TRABD2B: variants seen among roughly 807,000 people sequenced by gnomAD.
The protein encoded by TRABD2B is metalloprotease TIKI2.
In TRABD2B, 14 loss-of-function variants were observed where a neutral mutation model predicts 40.1. That is an observed-to-expected ratio of 0.35 (90% CI 0.23 to 0.55). The LOEUF (loss-of-function observed/expected upper bound fraction) is 0.55, where lower values mean the gene tolerates loss of function less well. TRABD2B is among the 20% of genes least tolerant of loss of function. The probability of loss-of-function intolerance (pLI) is 0.90; values close to 1 mark genes in which losing one functional copy is unlikely to be tolerated. For missense variants in TRABD2B, 541 were observed against 648.6 expected (o/e 0.83, Z 1.80); for synonymous variants, 263 against 277.0 (o/e 0.95, Z 0.50).
At chr1:47,826,361 C>G (rs1645173848) in intron 2 of TRABD2B, among the ~76,000 whole-genome samples, 1 of 152,058 alleles carries the variant, frequency 6.6e-6, no homozygotes, top group African/African-American at 2.4e-5. Flanking sequence ...CTCACTAATT[C>G]TCACAACATC....
intron 3 of TRABD2B, among the ~76,000 whole-genome samples, chr1:47,800,306 GGT>G (rs1644805116): frequency 6.6e-6 from 1 of 152,192 alleles, no homozygotes. Context: ...TTCTGAGTCA[GGT>G]GGTTGGGGCC....
chr1:47,993,622 C>T (rs562586870), intron 2 of TRABD2B, among the ~76,000 whole-genome samples: 1 of 152,178 alleles, frequency 6.6e-6, no homozygotes, highest in Non-Finnish European at 1.5e-5. Flanking sequence ...CTTCCTCTTA[C>T]TTTCTTGGGC....
chr1:47,956,288 G>A (rs1041891065), intron 2 of TRABD2B, among the ~76,000 whole-genome samples: 2 of 152,198 alleles, frequency 1.3e-5, no homozygotes, highest in African/African-American at 2.4e-5. Context: ...AGCTCCCAGG[G>A]TGAGTGACGC....
At chr1:47,913,009 A>G (rs1644783242) in intron 2 of TRABD2B, among the ~76,000 whole-genome samples, 1 of 152,140 alleles carries the variant, frequency 6.6e-6, no homozygotes, top group Non-Finnish European at 1.5e-5. Flanking sequence ...ACTGATTTCA[A>G]GTGTCTGGGC....
chr1:47,993,882 G>A (rs987312351), intron 2 of TRABD2B, among the ~76,000 whole-genome samples, 152 bp downstream of exon 2: 23 of 152,148 alleles, frequency 1.5e-4, no homozygotes, highest in Admixed American at 1.3e-3. Flanking sequence ...GAGCAGCCAG[G>A]TGCTGCCTCG....
At chr1:47,945,745 C>T (rs893489886) in intron 2 of TRABD2B, among the ~76,000 whole-genome samples, 7 of 151,994 alleles carry the variant, frequency 4.6e-5, no homozygotes, top group African/African-American at 1.7e-4. Flanking sequence ...AGTTTTTTTC[C>T]TTTTGTTGCT....
At chr1:47,909,773 T>TCCCCG (rs1557651363) in intron 2 of TRABD2B, among the ~76,000 whole-genome samples, 1 of 6,018 alleles carries the variant, frequency 1.7e-4, no homozygotes, top group Non-Finnish European at 3.3e-4. Context: ...TCCCTTCCCC[T>TCCCCG]CCCCTCCCCT....
intron 2 of TRABD2B, among the ~76,000 whole-genome samples, chr1:47,891,256 T>C (rs970308231): frequency 1.3e-5 from 2 of 152,192 alleles, no homozygotes; most frequent in African/African-American, 2.4e-5. Flanking sequence ...CCAGCTGTCA[T>C]AGAGCTTACA....
chr1:47,814,849 C>T (rs957721468), intron 2 of TRABD2B, among the ~76,000 whole-genome samples: 8 of 152,196 alleles, frequency 5.3e-5, no homozygotes, highest in African/African-American at 1.9e-4. Context: ...AATGCAGTGC[C>T]AACTTCTGCT....
chr1:47,894,780 G>A (rs1644494391), intron 2 of TRABD2B, among the ~76,000 whole-genome samples: 1 of 152,268 alleles, frequency 6.6e-6, no homozygotes, highest in South Asian at 2.1e-4. Flanking sequence ...AAGTGAACAT[G>A]ACGTACCACT....
chr1:47,903,976 C>T (rs1644640425), intron 2 of TRABD2B, among the ~76,000 whole-genome samples: 1 of 152,156 alleles, frequency 6.6e-6, no homozygotes, highest in African/African-American at 2.4e-5. Context: ...TTGACCACAC[C>T]CACTGAGCAC....
At chr1:47,833,047 A>C (rs1645271344) in intron 2 of TRABD2B, among the ~76,000 whole-genome samples, 1 of 152,250 alleles carries the variant, frequency 6.6e-6, no homozygotes, top group Non-Finnish European at 1.5e-5. Context: ...GGCAGAATTC[A>C]TTAGGATTGA....
intron 2 of TRABD2B, among the ~76,000 whole-genome samples, chr1:47,965,851 C>A (rs1177362601): frequency 6.6e-6 from 1 of 152,090 alleles, no homozygotes; most frequent in African/African-American, 2.4e-5. Flanking sequence ...TATCCCAGAC[C>A]CATGGAGAAT....
At chr1:47,795,322 G>A (rs1459430249) in intron 3 of TRABD2B, among the ~76,000 whole-genome samples, 1 of 152,244 alleles carries the variant, frequency 6.6e-6, no homozygotes, top group African/African-American at 2.4e-5. Context: ...TTCCACATGT[G>A]TTGCTCTGCC....
intron 2 of TRABD2B, among the ~76,000 whole-genome samples, chr1:47,870,911 G>A (rs1247585112): frequency 5.3e-5 from 8 of 152,174 alleles, no homozygotes; most frequent in Admixed American, 4.6e-4. Context: ...AGGGAGAACA[G>A]CATATGAAGA....
rs188433046 is a variant in TRABD2B, at chr1:47,811,140, G to A, written c.667-9521C>T. ...GCTTCCTGCTGAGATGTGAAGTCAC[G>A]GGGAGTCTGGGCAGAAGAACGTGGG... is the stretch of plus-strand genomic sequence containing the variant. On this transcript the variant is annotated intron_variant, in intron 2 of 6. Transcript: ENST00000606738. Among the ~76,000 whole-genome samples the A allele has an allele frequency of 7.4e-4, 113 of 152,304 alleles. 1 individual carries two copies. Among genetic ancestry groups the A allele is most frequent in the African/African-American group, 2.4e-3 (101 of 41,568 alleles).
intron 2 of TRABD2B, among the ~76,000 whole-genome samples, chr1:47,920,279 T>A (rs776708134): frequency 6.6e-6 from 1 of 152,214 alleles, no homozygotes; most frequent in Non-Finnish European, 1.5e-5. Context: ...CAAAGTCACA[T>A]AGCAAGTCAA....
chr1:47,831,582 C>G (rs1473725109), intron 2 of TRABD2B, among the ~76,000 whole-genome samples: 1 of 152,104 alleles, frequency 6.6e-6, no homozygotes, highest in Non-Finnish European at 1.5e-5. Context: ...CTGCTGTATG[C>G]TGGGTGATCA....
At chr1:47,912,550 T>C (rs1644776845) in intron 2 of TRABD2B, among the ~76,000 whole-genome samples, 1 of 152,228 alleles carries the variant, frequency 6.6e-6, no homozygotes. Flanking sequence ...AAAAATGTGC[T>C]GGAGGTGGCA....
Sources: gnomAD v4.1 joint callset for allele counts (sites outside exome capture counted in the v4.1 genomes callset) on GRCh38, gnomAD v4.1.1 for gene constraint, MANE v1.5 for transcripts, NCBI Gene and HGNC (gene_info 2026-07-23, HGNC 2026-07-21) for gene names.